The following COL24A1 variants were observed in gnomAD, a reference collection of about 807,000 sequenced individuals.
The protein encoded by COL24A1 is collagen alpha-1(XXIV) chain.
A neutral mutation model predicts 253.9 loss-of-function variants in COL24A1; 224 were observed. The ratio of observed to expected loss-of-function variants is 0.88; its 90% CI spans 0.79 to 0.99. The LOEUF (loss-of-function observed/expected upper bound fraction) is 0.99. Ranked by LOEUF, COL24A1 falls within the 50% of genes least tolerant of loss-of-function variation. COL24A1 has a pLI of 0.00. For synonymous variants in COL24A1, 685 were observed against 673.7 expected, an observed-to-expected ratio of 1.02 and a Z score of -0.26; for missense variants, 2,131 against 2,068.5, an observed-to-expected ratio of 1.03 and a Z score of -0.59.
chr1:85,810,870 CTCAGGTAT>C (rs1039540121), intron 47 of COL24A1, among the ~76,000 whole-genome samples: 5 of 152,174 alleles, frequency 3.3e-5, no homozygotes, highest in Admixed American at 1.3e-4. Flanking sequence ...ATCACCCAGT[CTCAGGTAT>C]TTCTTTATAG....
chr1:86,151,159 C>T (rs766958849), intron 1 of COL24A1, among the ~76,000 whole-genome samples: 10 of 151,860 alleles, frequency 6.6e-5, no homozygotes, highest in Non-Finnish European at 1.3e-4. Flanking sequence ...AAAACTGTAA[C>T]GGTCTTCCTA....
intron 2 of COL24A1, among the ~76,000 whole-genome samples, chr1:86,135,060 G>T (rs548553868): frequency 4.6e-5 from 7 of 152,000 alleles, no homozygotes; most frequent in South Asian, 2.1e-4. Context: ...ATATTTAGGA[G>T]AGTTAGCTCT....
intron 39 of COL24A1, among the ~76,000 whole-genome samples, chr1:85,844,266 G>A (rs1676932855): frequency 6.6e-6 from 1 of 151,812 alleles, no homozygotes; most frequent in Admixed American, 6.6e-5. Context: ...TTAAAAATGA[G>A]CAATAAAAAT....
chr1:86,038,363 C>T (rs1028415928), intron 12 of COL24A1, among the ~76,000 whole-genome samples: 14 of 152,056 alleles, frequency 9.2e-5, no homozygotes, highest in African/African-American at 3.4e-4. Flanking sequence ...TATCAAAATG[C>T]TTCTACTGCC....
chr1:85,894,624 T>C (rs1429266915), intron 31 of COL24A1, among the ~76,000 whole-genome samples: 1 of 152,110 alleles, frequency 6.6e-6, no homozygotes, highest in Non-Finnish European at 1.5e-5. Context: ...CTGTATAAAG[T>C]ATATCAAAGT....
chr1:86,133,581 G>C (rs1172708129), intron 2 of COL24A1, among the ~76,000 whole-genome samples: 1 of 152,164 alleles, frequency 6.6e-6, no homozygotes, highest in Non-Finnish European at 1.5e-5. Context: ...TTTTGGCAAA[G>C]GCCTTTTCTG....
At chr1:86,122,737 T>C (rs1017791302) in intron 3 of COL24A1, among the ~76,000 whole-genome samples, 1 of 151,998 alleles carries the variant, frequency 6.6e-6, no homozygotes, top group African/African-American at 2.4e-5. Context: ...ATCTCTTGAA[T>C]CCTACTTTTC....
At chr1:85,955,680 A>T (rs1312849417) in intron 24 of COL24A1, among the ~76,000 whole-genome samples, 1 of 152,256 alleles carries the variant, frequency 6.6e-6, no homozygotes, top group African/African-American at 2.4e-5. Flanking sequence ...AAGTTTTCCC[A>T]TTTCATTATT....
chr1:86,022,420 A>C, intron 17 of COL24A1, 118 bp downstream of exon 17: 1 of 1,345,770 alleles, frequency 7.4e-7, no homozygotes, highest in East Asian at 2.4e-5. Flanking sequence ...TCAAACAAGA[A>C]CTTAAAACCA....
intron 7 of COL24A1, 135 bp from the exon 8 acceptor site, chr1:86,063,894 A>C (rs1273130064): frequency 2.5e-6 from 1 of 395,890 alleles, no homozygotes; most frequent in Admixed American, 4.2e-5. Context: ...TTACTAATTT[A>C]TTTCTTATTA....
chr1:86,135,277 C>T (rs1650042653), intron 2 of COL24A1, among the ~76,000 whole-genome samples: 2 of 152,068 alleles, frequency 1.3e-5, no homozygotes, highest in African/African-American at 4.8e-5. Context: ...GAATACAGCA[C>T]ACTGATGTGT....
At chr1:85,796,211 T>C (rs1013724143) in intron 47 of COL24A1, among the ~76,000 whole-genome samples, 4 of 152,282 alleles carry the variant, frequency 2.6e-5, no homozygotes, top group Middle Eastern at 6.8e-3. Context: ...GACAGGTCTG[T>C]TTGACTCACA....
chr1:86,017,883 T>C (rs1352575294), intron 18 of COL24A1, among the ~76,000 whole-genome samples: 1 of 152,178 alleles, frequency 6.6e-6, no homozygotes, highest in African/African-American at 2.4e-5. Context: ...ATAGAATTCC[T>C]AGACTGTTTT....
intron 11 of COL24A1, among the ~76,000 whole-genome samples, chr1:86,048,852 A>G (rs529761384): frequency 1.3e-5 from 2 of 152,294 alleles, no homozygotes; most frequent in African/African-American, 2.4e-5. Flanking sequence ...CAATGTGCCT[A>G]TTGATGGCCA....
At chr1:86,042,966 G>T (rs12567549) in intron 12 of COL24A1, among the ~76,000 whole-genome samples, 19,816 of 152,082 alleles carry the variant, frequency 0.13, 1,398 homozygotes, top group Middle Eastern at 0.23. Flanking sequence ...CAAAGAAACT[G>T]ACCCTGATCA....
chr1:85,744,941 G>T (rs1293985507), intron 56 of COL24A1, 107 bp from the exon 57 acceptor site: 2 of 773,624 alleles, frequency 2.6e-6, no homozygotes, highest in Non-Finnish European at 4.2e-6. Context: ...GTTGTGAGTA[G>T]AATGTAAAGA....
chr1:85,943,490 C>T (rs1266089953), intron 24 of COL24A1, among the ~76,000 whole-genome samples: 6 of 152,168 alleles, frequency 3.9e-5, no homozygotes, highest in African/African-American at 1.4e-4. Context: ...GTATTCCTTA[C>T]AACACAATGA....
chr1:85,963,382 AG>A (rs1691250617), intron 23 of COL24A1, among the ~76,000 whole-genome samples: 1 of 152,164 alleles, frequency 6.6e-6, no homozygotes, highest in Non-Finnish European at 1.5e-5. Context: ...CTTACCCATA[AG>A]TTACCCTTCT....
chr1:86,038,039 C>T (rs1699167905), intron 12 of COL24A1, among the ~76,000 whole-genome samples: 1 of 151,972 alleles, frequency 6.6e-6, no homozygotes, highest in South Asian at 2.1e-4. Flanking sequence ...TAAACTTTAT[C>T]ATTCCAGCAT....
Sources: gnomAD v4.1 joint callset for allele counts (sites outside exome capture counted in the v4.1 genomes callset) on GRCh38, gnomAD v4.1.1 for gene constraint, MANE v1.5 for transcripts, NCBI Gene and HGNC (gene_info 2026-07-23, HGNC 2026-07-21) for gene names.